Variants in TAFA1 observed in about 807,000 individuals in gnomAD.
TAFA1 encodes the protein chemokine-like protein TAFA-1.
Under a neutral mutation model 18.5 loss-of-function variants are expected in TAFA1, and 4 were observed. The observed-to-expected ratio is 0.22, with a 90% confidence interval of 0.11 to 0.49. The LOEUF is 0.49. TAFA1 is among the 20% of genes least tolerant of loss of function. TAFA1 has a pLI of 0.98. For missense variants in TAFA1, 147 were observed against 169.0 expected (o/e 0.87, Z 0.72); for synonymous variants, 56 against 55.2 (o/e 1.01, Z -0.06).
chr3:68,147,283 T>G (rs1008254900), intron 2 of TAFA1, among the ~76,000 whole-genome samples: 9 of 152,014 alleles, frequency 5.9e-5, no homozygotes, highest in Non-Finnish European at 1.2e-4. Context: ...ATCAGGCAAC[T>G]AGGGACCACT....
intron 3 of TAFA1, among the ~76,000 whole-genome samples, chr3:68,526,411 A>G (rs2073112139): frequency 6.6e-6 from 1 of 152,292 alleles, no homozygotes; most frequent in East Asian, 1.9e-4. Context: ...ATCAGTGTAC[A>G]ACTTTCCCAT....
At chr3:68,483,910 TGATTTTATGCCTTGGGAAGCCACGGAAG>T (rs1163886969) in intron 3 of TAFA1, among the ~76,000 whole-genome samples, 10 of 152,306 alleles carry the variant, frequency 6.6e-5, no homozygotes, top group African/African-American at 2.2e-4. Context: ...GTATGAAGCT[TGATTTTATGCCTTGGGAAGCCACGGAAG>T]GATTTTAAGC....
chr3:68,083,889 G>A (rs1386553959), intron 2 of TAFA1, among the ~76,000 whole-genome samples: 1 of 151,870 alleles, frequency 6.6e-6, no homozygotes, highest in East Asian at 1.9e-4. Flanking sequence ...TGTCCCTCCC[G>A]ACCTGTATAT....
At chr3:68,278,724 A>G (rs904712511) in intron 2 of TAFA1, among the ~76,000 whole-genome samples, 2 of 152,104 alleles carry the variant, frequency 1.3e-5, no homozygotes, top group Non-Finnish European at 2.9e-5. Flanking sequence ...AAACTTCAGC[A>G]TACCTAAGAA....
At chr3:68,271,797 T>G in intron 2 of TAFA1, among the ~76,000 whole-genome samples, 1 of 151,652 alleles carries the variant, frequency 6.6e-6, no homozygotes, top group East Asian at 1.9e-4. Context: ...TCTCCCTGTC[T>G]CTTTTGCCTC....
intron 2 of TAFA1, among the ~76,000 whole-genome samples, chr3:68,295,938 A>C (rs2068199866): frequency 6.6e-6 from 1 of 152,208 alleles, no homozygotes; most frequent in African/African-American, 2.4e-5. Context: ...TTTTGAACAG[A>C]AAGATATGTA....
chr3:68,011,751 C>T (rs752216722), intron 2 of TAFA1, among the ~76,000 whole-genome samples: 4 of 152,230 alleles, frequency 2.6e-5, no homozygotes, highest in Non-Finnish European at 5.9e-5. Context: ...GGTTGTTATT[C>T]GGTGCAAGCT....
At chr3:68,494,414 C>T (rs907698392) in intron 3 of TAFA1, among the ~76,000 whole-genome samples, 1 of 152,164 alleles carries the variant, frequency 6.6e-6, no homozygotes, top group Non-Finnish European at 1.5e-5. Flanking sequence ...TATCATTCTC[C>T]TCTTTTTTCT....
chr3:68,473,511 T>C (rs1304115533), intron 3 of TAFA1, among the ~76,000 whole-genome samples: 1 of 152,098 alleles, frequency 6.6e-6, no homozygotes, highest in African/African-American at 2.4e-5. Context: ...ACACCAAAAA[T>C]CTAGTGGTCT....
intron 2 of TAFA1, among the ~76,000 whole-genome samples, chr3:68,044,499 T>A (rs1055872531): frequency 6.6e-6 from 1 of 152,190 alleles, no homozygotes; most frequent in Non-Finnish European, 1.5e-5. Context: ...CCTCCCTGAC[T>A]TCACCTCCTG....
chr3:68,474,744 G>A (rs919558911), intron 3 of TAFA1, among the ~76,000 whole-genome samples: 1 of 152,148 alleles, frequency 6.6e-6, no homozygotes, highest in Non-Finnish European at 1.5e-5. Context: ...ACCTGAAAAG[G>A]CATATAAGAA....
intron 2 of TAFA1, among the ~76,000 whole-genome samples, chr3:68,268,428 G>C (rs1194321866): frequency 1.3e-5 from 2 of 152,118 alleles, no homozygotes; most frequent in East Asian, 3.9e-4. Flanking sequence ...GACATGGATG[G>C]GGGGAGCCAG....
intron 2 of TAFA1, among the ~76,000 whole-genome samples, chr3:68,214,688 C>G (rs1336175223): frequency 6.6e-6 from 1 of 152,026 alleles, no homozygotes; most frequent in Non-Finnish European, 1.5e-5. Flanking sequence ...GTGCTAAATT[C>G]TTGATTCTGT....
chr3:68,184,626 T>C (rs1195064956), intron 2 of TAFA1, among the ~76,000 whole-genome samples: 1 of 152,108 alleles, frequency 6.6e-6, no homozygotes, highest in Non-Finnish European at 1.5e-5. Flanking sequence ...CAATATATAC[T>C]GGGAACACGA....
At chr3:68,038,807 C>G (rs1423654202) in intron 2 of TAFA1, among the ~76,000 whole-genome samples, 1 of 152,196 alleles carries the variant, frequency 6.6e-6, no homozygotes, top group East Asian at 1.9e-4. Flanking sequence ...CATTTCACTA[C>G]AAAGAGATCA....
In TAFA1 at chr3:68,245,303, C is replaced by G. The variant is rs575155247; in HGVS notation, c.119-171977C>G. The stretch of plus-strand genomic sequence containing the variant: ...TTTACTTGGTTTGTATTTAACAGAA[C>G]TTCTTCCAAAGCTGTGTTGATTTTT... On this transcript the variant is annotated intron_variant, in intron 2 of 4. Transcript: ENST00000478136. Among the ~76,000 whole-genome samples the G allele has an allele frequency of 9.8e-5, 15 of 152,300 alleles. 1 individual carries two copies. The highest frequency in any genetic ancestry group is 3.4e-4 in the African/African-American group (14 of 41,560).
At chr3:68,080,978 A>T (rs2064890925) in intron 2 of TAFA1, among the ~76,000 whole-genome samples, 1 of 152,030 alleles carries the variant, frequency 6.6e-6, no homozygotes, top group South Asian at 2.1e-4. Context: ...GTCTTTTCAC[A>T]TAGTCCCATA....
At chr3:68,172,169 C>A (rs2066063467) in intron 2 of TAFA1, among the ~76,000 whole-genome samples, 2 of 152,294 alleles carry the variant, frequency 1.3e-5, no homozygotes, top group South Asian at 4.1e-4. Flanking sequence ...CATCGCCAAA[C>A]TGTTGAAGAA....
intron 3 of TAFA1, among the ~76,000 whole-genome samples, chr3:68,510,148 T>C (rs1013356034): frequency 6.6e-6 from 1 of 152,122 alleles, no homozygotes; most frequent in African/African-American, 2.4e-5. Context: ...CATCCTGCTT[T>C]GGATCACTGT....
Sources: gnomAD v4.1 joint callset for allele counts (sites outside exome capture counted in the v4.1 genomes callset) on GRCh38, gnomAD v4.1.1 for gene constraint, MANE v1.5 for transcripts, NCBI Gene and HGNC (gene_info 2026-07-23, HGNC 2026-07-21) for gene names.